GLYR1: variants seen among roughly 807,000 people sequenced by gnomAD.
GLYR1 encodes glyoxylate reductase 1 homolog, also known as cytokine-like nuclear factor N-PAC.
GLYR1 carries 21 observed loss-of-function variants against 72.7 expected under a neutral mutation model. The observed-to-expected ratio is 0.29, with a 90% CI of 0.20 to 0.42. GLYR1 has a LOEUF of 0.42. Among genes scored for constraint, GLYR1 ranks in the 10% least tolerant of loss-of-function variants. The pLI, the probability that GLYR1 is intolerant of heterozygous loss-of-function variation, is 1.00. For synonymous variants in GLYR1, 392 were observed against 270.2 expected (o/e 1.45, Z -4.42); for missense variants, 594 against 712.1 (o/e 0.83, Z 1.89).
At chr16:4,819,293 G>A (rs867246789) in intron 9 of GLYR1, among the ~76,000 whole-genome samples, 1 of 152,042 alleles carries the variant, frequency 6.6e-6, no homozygotes, top group African/African-American at 2.4e-5. Context: ...GATTATGGGC[G>A]TGAGCCACTG....
chr16:4,829,079 G>A (rs1405540294), intron 5 of GLYR1, among the ~76,000 whole-genome samples: 1 of 151,982 alleles, frequency 6.6e-6, no homozygotes, highest in Non-Finnish European at 1.5e-5. Context: ...TCTCTGCACT[G>A]CAGCTGGCAG....
At chr16:4,834,993 G>A (rs1222552112) in intron 3 of GLYR1, among the ~76,000 whole-genome samples, 4 of 152,096 alleles carry the variant, frequency 2.6e-5, no homozygotes, top group South Asian at 2.1e-4. Context: ...ATACTAACCC[G>A]TGGGTCTGAG....
intron 3 of GLYR1, chr16:4,843,346 G>C (rs2085703645): frequency 2.3e-6 from 1 of 442,628 alleles, no homozygotes; most frequent in Middle Eastern, 9.7e-4. Flanking sequence ...GTAGAGACGG[G>C]GTTTTGCCAT....
At chr16:4,845,053 C>CT (rs2085897971) in intron 3 of GLYR1, 21 bp downstream of exon 3, 2 of 1,539,924 alleles carry the variant, frequency 1.3e-6, no homozygotes, top group Admixed American at 1.7e-5. Context: ...CGAAGGGAGA[C>CT]TCCTGGTGAG....
In GLYR1 at chr16:4,847,215, C is replaced by T. The variant is rs1228840856; in HGVS notation, c.38+13G>A. 2.5e-6 allele frequency: 4 copies of T among 1,602,102 alleles called. No homozygotes were observed. Among genetic ancestry groups the T allele is most frequent in the Non-Finnish European group, 3.4e-6 (4 of 1,175,560 alleles). ...CCCGGCGCGTCTCGGTTGGCCCGGCCGCTCGGACTCACCACACCAAGTCGC... is the reference window on the plus strand; with the variant it reads ...CCCGGCGCGTCTCGGTTGGCCCGGCTGCTCGGACTCACCACACCAAGTCGC... On this transcript the variant is annotated intron_variant, in intron 1 of 15. Transcript: ENST00000321919.
At chr16:4,838,600 T>TTTA (rs2085319697) in intron 3 of GLYR1, among the ~76,000 whole-genome samples, 1 of 152,076 alleles carries the variant, frequency 6.6e-6, no homozygotes. Flanking sequence ...TCTTTTTTTT[T>TTTA]TTTTGAGACA....
intron 5 of GLYR1, among the ~76,000 whole-genome samples, chr16:4,830,221 CTTTT>C (rs35409655): frequency 1.6e-5 from 2 of 123,600 alleles, no homozygotes; most frequent in Non-Finnish European, 1.7e-5. Flanking sequence ...CCAACTTTGT[CTTTT>C]TTTTTTTTTT....
intron 3 of GLYR1, among the ~76,000 whole-genome samples, chr16:4,837,172 C>T (rs1215212181): frequency 6.6e-6 from 1 of 152,204 alleles, no homozygotes; most frequent in Non-Finnish European, 1.5e-5. Flanking sequence ...TGCGGTGGCT[C>T]ATGCCTGAAT....
At chr16:4,832,942 G>T (rs773733514) in intron 3 of GLYR1, 30 bp from the exon 4 acceptor site, 2 of 1,597,168 alleles carry the variant, frequency 1.3e-6, no homozygotes, top group Admixed American at 1.7e-5. Context: ...AAAAGGGTGT[G>T]AACCATATAG....
rs879788109 is a variant in GLYR1 at position 4,837,431 on chromosome 16, T to TA, written c.156-4520dup. On this transcript the variant is annotated intron_variant, in intron 3 of 15. Coordinates refer to ENST00000321919, the MANE Select transcript of GLYR1 (RefSeq NM_032569.4). ...GGGCGACAGAGCAAGACTTGGTCTT[T>TA]AAAAAAAAAAAAAGAAAATCATACA... 1.4e-3 allele frequency among the ~76,000 whole-genome samples: 194 copies of TA among 139,758 alleles called. No individual in the cohort carries two copies. In the South Asian group the frequency reaches 0.025, roughly 18 times the overall value. The allele number at this position is 139,758 out of a possible 152,430, so 91.7% of individuals were successfully genotyped here.
intron 5 of GLYR1, among the ~76,000 whole-genome samples, chr16:4,831,739 C>T (rs374176367): frequency 4.6e-5 from 7 of 152,298 alleles, no homozygotes; most frequent in Non-Finnish European, 1.0e-4. Flanking sequence ...GTGGTGCAAT[C>T]GGCTCAATGC....
chr16:4,843,729 G>T, intron 3 of GLYR1: 1 of 971,406 alleles, frequency 1.0e-6, no homozygotes, highest in Non-Finnish European at 1.4e-6. Context: ...TACCAGAGAA[G>T]CCACAGACAT....
intron 5 of GLYR1, 82 bp downstream of exon 5, chr16:4,831,897 A>G (rs2084825072): frequency 2.0e-6 from 3 of 1,527,704 alleles, no homozygotes; most frequent in Non-Finnish European, 2.6e-6. Context: ...TAAGCATACT[A>G]CATAAGCATA....
chr16:4,837,358 G>A (rs2085207913), intron 3 of GLYR1, among the ~76,000 whole-genome samples: 1 of 151,914 alleles, frequency 6.6e-6, no homozygotes, highest in Admixed American at 6.6e-5. Context: ...TTGAACCCGG[G>A]AGGTGGAGGT....
At chr16:4,806,516 C>T (rs1327655226) in intron 15 of GLYR1, among the ~76,000 whole-genome samples, 1 of 151,830 alleles carries the variant, frequency 6.6e-6, no homozygotes, top group Non-Finnish European at 1.5e-5. Context: ...GGGTGCTCGC[C>T]ACCACGCCCA....
chr16:4,818,943 A>T (rs968128469), intron 9 of GLYR1, among the ~76,000 whole-genome samples: 7 of 151,942 alleles, frequency 4.6e-5, no homozygotes, highest in Non-Finnish European at 1.0e-4. Context: ...TCTCCTCCAC[A>T]CACATTCACA....
Position 4,812,236 on chromosome 16 carries a change from T to G in GLYR1, c.1132A>C (p.Arg378=). ...GGGGCTTCCAGAAAGCGCCCCCCCC[T>G]GGACACAATCACCTGGAAAGAAAAG... ...VTELAQVIVS[R]GGRFLEAPVS... The change falls in exon 13 of 16, where the codon AGG becomes CGG. Residue 378 remains arginine (R), a synonymous_variant. Coordinates refer to ENST00000321919, the MANE Select transcript of GLYR1 (RefSeq NM_032569.4). 6.2e-7 allele frequency: 1 copy of G among 1,612,146 alleles called. No homozygotes were observed. The highest frequency in any genetic ancestry group is 8.5e-7 in the Non-Finnish European group (1 of 1,179,468).
intron 3 of GLYR1, among the ~76,000 whole-genome samples, chr16:4,835,737 A>G (rs1352864594): frequency 1.3e-5 from 2 of 152,194 alleles, no homozygotes; most frequent in Non-Finnish European, 2.9e-5. Flanking sequence ...AGGCTGAGAC[A>G]GGAGAAACAC....
intron 5 of GLYR1, among the ~76,000 whole-genome samples, chr16:4,825,964 TC>T (rs1471924647): frequency 4.6e-5 from 7 of 152,202 alleles, no homozygotes; most frequent in Non-Finnish European, 4.4e-5. Context: ...ATTATAATCT[TC>T]TTTTACAGAA....
Sources: allele counts gnomAD v4.1 joint callset (sites outside exome capture counted in the v4.1 genomes callset), GRCh38; gene constraint gnomAD v4.1.1; transcripts MANE v1.5; gene names NCBI Gene and HGNC (gene_info 2026-07-23, HGNC 2026-07-21).